OPCML: variants seen among roughly 807,000 people sequenced by gnomAD.
The protein encoded by OPCML is opioid binding protein/cell adhesion molecule like, also known as opioid-binding protein/cell adhesion molecule.
OPCML carries 13 observed loss-of-function variants against 37.8 expected under a neutral mutation model. The ratio of observed to expected loss-of-function variants is 0.34; its 90% CI spans 0.22 to 0.55. The LOEUF (loss-of-function observed/expected upper bound fraction) is 0.55. OPCML is among the 20% of genes least tolerant of loss of function. The pLI is 0.91. For synonymous variants in OPCML, 176 were observed against 168.8 expected, an observed-to-expected ratio of 1.04 and a Z score of -0.33; for missense variants, 341 against 435.6, an observed-to-expected ratio of 0.78 and a Z score of 1.93.
At position 132,790,630 on chromosome 11, in the gene OPCML, T is replaced by C. The variant is rs547310095; in HGVS notation, c.147-133311A>G. On this transcript the variant is annotated intron_variant, in intron 2 of 7. Transcript: ENST00000524381. ...AAATTGTGTGAGCTTCTCTCAGCCATGCAGCACAGCACACGGCCTTCATTG... is the reference window on the plus strand; with the variant it reads ...AAATTGTGTGAGCTTCTCTCAGCCACGCAGCACAGCACACGGCCTTCATTG... Among the ~76,000 whole-genome samples the C allele has an allele frequency of 2.0e-5, 3 of 152,344 alleles. No individual in the cohort carries two copies. In the East Asian group the frequency reaches 5.8e-4, roughly 29 times the overall value.
At position 133,474,956 on chromosome 11, in the gene OPCML, C is replaced by G. The variant is rs535493799; in HGVS notation, c.61+57308G>C. The stretch of plus-strand genomic sequence containing the variant: ...CACATATGGGAGGGAATGCTCCTGC[C>G]AAGGAAGCACATCCTGCCAAGCAGT... On this transcript the variant is annotated intron_variant, in intron 1 of 7. Coordinates refer to ENST00000524381, the MANE Select transcript of OPCML (RefSeq NM_001012393.5). Among the ~76,000 whole-genome samples the G allele has an allele frequency of 4.6e-5, 7 of 152,044 alleles. No individual in the cohort carries two copies. In the South Asian group the frequency reaches 8.3e-4, roughly 18 times the overall value.
intron 1 of OPCML, among the ~76,000 whole-genome samples, chr11:133,147,904 C>T (rs757627901): frequency 3.9e-5 from 6 of 152,108 alleles, no homozygotes; most frequent in Non-Finnish European, 8.8e-5. Context: ...AAAATTGCCC[C>T]GTTTACTGCC....
At chr11:133,264,286 A>G (rs1057216774) in intron 1 of OPCML, among the ~76,000 whole-genome samples, 20 of 152,210 alleles carry the variant, frequency 1.3e-4, no homozygotes, top group African/African-American at 4.1e-4. Context: ...GAGACAACAT[A>G]TTGCAAATTA....
chr11:133,258,329 T>C (rs1462999949), intron 1 of OPCML, among the ~76,000 whole-genome samples: 1 of 152,180 alleles, frequency 6.6e-6, no homozygotes, highest in Non-Finnish European at 1.5e-5. Flanking sequence ...CATATTATCT[T>C]GGTAGGAAAG....
At chr11:133,213,522 G>A (rs796196261) in intron 1 of OPCML, among the ~76,000 whole-genome samples, 1 of 152,098 alleles carries the variant, frequency 6.6e-6, no homozygotes, top group African/African-American at 2.4e-5. Flanking sequence ...AGCAAATGGA[G>A]GGGCTTTAAT....
chr11:133,252,441 C>G (rs913492286), intron 1 of OPCML, among the ~76,000 whole-genome samples: 1 of 152,056 alleles, frequency 6.6e-6, no homozygotes, highest in Non-Finnish European at 1.5e-5. Flanking sequence ...TGTTGCTTGG[C>G]GTTCTTGTAA....
At chr11:133,454,901 C>G (rs1053245610) in intron 1 of OPCML, among the ~76,000 whole-genome samples, 1 of 152,158 alleles carries the variant, frequency 6.6e-6, no homozygotes, top group South Asian at 2.1e-4. Flanking sequence ...AAAAGAAAGA[C>G]TGGCCTTTAA....
chr11:133,027,652 ATG>A (rs1476070116), intron 1 of OPCML, among the ~76,000 whole-genome samples: 1 of 137,630 alleles, frequency 7.3e-6, no homozygotes, highest in African/African-American at 2.7e-5. Context: ...AATGTGATGC[ATG>A]TGTGGGGCGT....
At chr11:132,750,948 T>C (rs1169897310) in intron 2 of OPCML, among the ~76,000 whole-genome samples, 2 of 152,162 alleles carry the variant, frequency 1.3e-5, no homozygotes, top group East Asian at 3.9e-4. Flanking sequence ...ATGGATAATC[T>C]ACATTAATTT....
intron 4 of OPCML, among the ~76,000 whole-genome samples, chr11:132,514,544 C>T (rs556316103): frequency 9.2e-5 from 14 of 152,278 alleles, no homozygotes; most frequent in Admixed American, 5.9e-4. Context: ...AGGGCCTGGG[C>T]TCTCGGGAGT....
chr11:133,365,559 A>T (rs1277361486), intron 1 of OPCML: 1 of 152,238 alleles, frequency 6.6e-6, no homozygotes, highest in Non-Finnish European at 1.5e-5. Context: ...GAAGGTCAGG[A>T]GTTCAACACG....
intron 1 of OPCML, among the ~76,000 whole-genome samples, chr11:133,280,850 G>A (rs536139029): frequency 8.5e-5 from 13 of 152,250 alleles, no homozygotes; most frequent in African/African-American, 2.2e-4. Flanking sequence ...GGGATCAACC[G>A]GTAACCAGAA....
rs60645863 is a variant in OPCML at position 133,286,470 on chromosome 11, CAA to C, written c.61+245792_61+245793del. On this transcript the variant is annotated intron_variant, in intron 1 of 7. Coordinates refer to ENST00000524381, the MANE Select transcript of OPCML (RefSeq NM_001012393.5). Reference sequence around the variant, plus strand: ...GGCGACAGAGCGAGACTGTGTCTCACAAAAAAAAAAAAAAAAAAAAAAAAGGA... The same window carrying C: ...GGCGACAGAGCGAGACTGTGTCTCACAAAAAAAAAAAAAAAAAAAAAAGGA... Among the ~76,000 whole-genome samples, 150 of 51,280 alleles carry C rather than the reference CAA, an allele frequency of 2.9e-3. 2 individuals are homozygous for C. Among genetic ancestry groups the C allele is most frequent in the Middle Eastern group, 0.015 (1 of 66 alleles). The allele number at this position is 51,280 out of a possible 152,430, so 33.6% of individuals were successfully genotyped here. A position where few individuals can be genotyped will look rare whatever the true frequency, so the allele number is the denominator to read the frequency against.
At chr11:132,808,977 G>A (rs1162032779) in intron 2 of OPCML, among the ~76,000 whole-genome samples, 1 of 151,784 alleles carries the variant, frequency 6.6e-6, no homozygotes, top group Admixed American at 6.6e-5. Flanking sequence ...TTTAAAATTT[G>A]GTCGGTGGGG....
chr11:132,546,765 A>C (rs2096369595), intron 3 of OPCML, among the ~76,000 whole-genome samples: 1 of 152,208 alleles, frequency 6.6e-6, no homozygotes, highest in African/African-American at 2.4e-5. Flanking sequence ...TGTGAGGATT[A>C]AATGAGTCAG....
intron 1 of OPCML, among the ~76,000 whole-genome samples, chr11:133,280,058 T>G (rs2136505351): frequency 6.6e-6 from 1 of 152,254 alleles, no homozygotes; most frequent in Non-Finnish European, 1.5e-5. Flanking sequence ...AACAGTTGCA[T>G]TGTGTATGAG....
In OPCML at chr11:133,208,709, C is replaced by T. The variant is rs1481868962; in HGVS notation, c.62-265699G>A. The stretch of plus-strand genomic sequence containing the variant: ...GAAGGAATTTCTAAGCACTAGCCAT[C>T]CAAGTGAATAAAGGCTGCTGTAAGA... On this transcript the variant is annotated intron_variant, in intron 1 of 7. Coordinates refer to ENST00000524381, the MANE Select transcript of OPCML (RefSeq NM_001012393.5). The surrounding 1 kb of genome is among the most constrained non-coding windows in gnomAD (Gnocchi z 8.9). Among the ~76,000 whole-genome samples, 4 of 152,170 alleles carry T rather than the reference C, an allele frequency of 2.6e-5. No homozygotes were observed. Among genetic ancestry groups the T allele is most frequent in the Non-Finnish European group, 5.9e-5 (4 of 68,046 alleles).
At chr11:133,117,228 T>G (rs1327156910) in intron 1 of OPCML, among the ~76,000 whole-genome samples, 1 of 152,206 alleles carries the variant, frequency 6.6e-6, no homozygotes, top group African/African-American at 2.4e-5. Flanking sequence ...TTGTGGACCA[T>G]GAAGATGTTC....
At chr11:132,793,045 G>GCTGGGGACTATCGA (rs1298543121) in intron 2 of OPCML, among the ~76,000 whole-genome samples, 4 of 152,198 alleles carry the variant, frequency 2.6e-5, no homozygotes, top group Non-Finnish European at 4.4e-5. Flanking sequence ...GCTGGTGCTG[G>GCTGGGGACTATCGA]CTGGGGACTA....
Sources: allele counts gnomAD v4.1 joint callset (sites outside exome capture counted in the v4.1 genomes callset), GRCh38; gene constraint gnomAD v4.1.1; non-coding constraint Gnocchi (gnomAD v3.1); transcripts MANE v1.5; gene names NCBI Gene and HGNC (gene_info 2026-07-23, HGNC 2026-07-21).